KCNH8: variants seen among roughly 807,000 people sequenced by gnomAD.
The protein encoded by KCNH8 is potassium voltage-gated channel subfamily H member 8.
In KCNH8, 70 loss-of-function variants were observed where a neutral mutation model predicts 103.6. The ratio of observed to expected loss-of-function variants is 0.68; its 90% CI spans 0.56 to 0.82. The LOEUF (loss-of-function observed/expected upper bound fraction) is 0.82, where lower values mean the gene tolerates loss of function less well. KCNH8 is among the 40% of genes least tolerant of loss of function. The probability of loss-of-function intolerance (pLI) is 0.00; values close to 1 mark genes in which losing one functional copy is unlikely to be tolerated. For missense variants in KCNH8, 1,217 were observed against 1,329.9 expected (o/e 0.92, Z 1.32); for synonymous variants, 498 against 489.4 (o/e 1.02, Z -0.23).
intron 3 of KCNH8, among the ~76,000 whole-genome samples, chr3:19,299,757 A>G (rs762792529): frequency 5.3e-5 from 8 of 152,072 alleles, no homozygotes; most frequent in Non-Finnish European, 1.0e-4. Context: ...AGTCATAAAT[A>G]TTGCTGGTGG....
chr3:19,296,221 T>C (rs2064995337), intron 3 of KCNH8, among the ~76,000 whole-genome samples: 1 of 152,226 alleles, frequency 6.6e-6, no homozygotes, highest in African/African-American at 2.4e-5. Context: ...AAATTTTATT[T>C]GATCTACTTC....
intron 3 of KCNH8, among the ~76,000 whole-genome samples, chr3:19,323,442 G>C (rs1187459317): frequency 1.3e-5 from 2 of 151,740 alleles, no homozygotes; most frequent in African/African-American, 4.8e-5. Flanking sequence ...GAGCAAGACT[G>C]TGTCTCAAAA....
At chr3:19,490,426 AG>A in intron 11 of KCNH8, among the ~76,000 whole-genome samples, 1 of 152,212 alleles carries the variant, frequency 6.6e-6, no homozygotes, top group Non-Finnish European at 1.5e-5. Context: ...TTGAGCAAGC[AG>A]GGAGTATGTG....
chr3:19,167,342 A>G (rs2063295743), intron 1 of KCNH8, among the ~76,000 whole-genome samples: 1 of 152,242 alleles, frequency 6.6e-6, no homozygotes, highest in Admixed American at 6.5e-5. Context: ...TAGATGTGTC[A>G]TAGTTTATTC....
chr3:19,485,082 T>C (rs1479251404), intron 11 of KCNH8, among the ~76,000 whole-genome samples: 1 of 152,204 alleles, frequency 6.6e-6, no homozygotes, highest in Admixed American at 6.5e-5. Context: ...CTGAGGTCGG[T>C]AGGCGGCATG....
At chr3:19,354,120 C>G (rs983048474) in intron 5 of KCNH8, among the ~76,000 whole-genome samples, 1 of 152,148 alleles carries the variant, frequency 6.6e-6, no homozygotes, top group Non-Finnish European at 1.5e-5. Context: ...TGAGTGAACT[C>G]CCATTCACAA....
chr3:19,273,188 T>C (rs925545341), intron 2 of KCNH8, among the ~76,000 whole-genome samples: 3 of 152,210 alleles, frequency 2.0e-5, no homozygotes, highest in Non-Finnish European at 4.4e-5. Context: ...TTCCTCCAAC[T>C]AAAGCCTTGT....
At chr3:19,414,068 C>T (rs1319945545) in intron 7 of KCNH8, among the ~76,000 whole-genome samples, 1 of 152,094 alleles carries the variant, frequency 6.6e-6, no homozygotes, top group Non-Finnish European at 1.5e-5. Context: ...ACCCCATACT[C>T]ACACTCTGCC....
Position 19,334,652 on chromosome 3 carries a change from T to G in KCNH8, c.443-7935T>G, listed in dbSNP as rs376074694. Among the ~76,000 whole-genome samples the G allele has an allele frequency of 2.6e-5, 4 of 151,640 alleles. No individual in the cohort carries two copies. The East Asian group carries it at 7.7e-4, about 29-fold the overall frequency. On this transcript the variant is annotated intron_variant, in intron 3 of 15. Coordinates refer to ENST00000328405, the MANE Select transcript of KCNH8 (RefSeq NM_144633.3). ...TTAAATCCTCTTTATATCTAGGATC[T>G]ATAATTATTCCTGTGTTAATTATGT...
intron 11 of KCNH8, among the ~76,000 whole-genome samples, chr3:19,495,478 T>C (rs2068419798): frequency 6.6e-6 from 1 of 152,184 alleles, no homozygotes; most frequent in Non-Finnish European, 1.5e-5. Flanking sequence ...TCCCCATTGC[T>C]GGTTTTTGTT....
intron 5 of KCNH8, among the ~76,000 whole-genome samples, chr3:19,382,097 C>T (rs2066296194): frequency 6.6e-6 from 1 of 152,056 alleles, no homozygotes; most frequent in Non-Finnish European, 1.5e-5. Context: ...ATATGCTATT[C>T]TTGAAATGCA....
At position 19,533,942 on chromosome 3, in the gene KCNH8, G is replaced by T; in HGVS notation, c.3167G>T (p.Ser1056Ile). 5 of 1,614,182 alleles carry T rather than the reference G, an allele frequency of 3.1e-6. No homozygotes were observed. The highest frequency in any genetic ancestry group is 4.2e-6 in the Non-Finnish European group (5 of 1,180,022). Reference sequence around the variant, plus strand: ...AGCAGATCAGAGGAGGGCAGCTTCAGTCAGGGAACTGTGAGTTCCTTCAGT... The same window carrying T: ...AGCAGATCAGAGGAGGGCAGCTTCATTCAGGGAACTGTGAGTTCCTTCAGT... ...LPSRSEEGSF[S>I]QGTVSSFSLE... The change falls in exon 16 of 16, where the codon AGT becomes ATT. Residue 1056 changes from serine (S) to isoleucine (I), a missense_variant. By Grantham distance (142) the Ser-to-Ile change is moderately radical. This residue lies in a region of KCNH8 where 558 missense variants were observed against 495.8 expected (regional missense o/e 1.13). Transcript: ENST00000328405.
At chr3:19,377,785 A>G (rs1027546651) in intron 5 of KCNH8, among the ~76,000 whole-genome samples, 2 of 152,202 alleles carry the variant, frequency 1.3e-5, no homozygotes, top group Admixed American at 6.5e-5. Flanking sequence ...AAAAGGTCAC[A>G]TTTTGATTGG....
chr3:19,286,055 T>TCATAAGAA (rs1409970434), intron 3 of KCNH8, among the ~76,000 whole-genome samples: 2 of 152,164 alleles, frequency 1.3e-5, no homozygotes, highest in Non-Finnish European at 2.9e-5. Context: ...TGACCTTTGT[T>TCATAAGAA]CATAAGAAAA....
chr3:19,214,270 A>G (rs1010619412), intron 1 of KCNH8, among the ~76,000 whole-genome samples: 2 of 152,202 alleles, frequency 1.3e-5, no homozygotes, highest in African/African-American at 2.4e-5. Flanking sequence ...AATTCTCTAT[A>G]TTAAATGTTG....
chr3:19,366,144 AT>A (rs1287546788), intron 5 of KCNH8, among the ~76,000 whole-genome samples: 1 of 152,098 alleles, frequency 6.6e-6, no homozygotes, highest in East Asian at 1.9e-4. Flanking sequence ...ACTGTGAAAT[AT>A]TATAGGTTGT....
intron 3 of KCNH8, among the ~76,000 whole-genome samples, chr3:19,297,248 C>T (rs2065008302): frequency 6.6e-6 from 1 of 152,060 alleles, no homozygotes; most frequent in South Asian, 2.1e-4. Flanking sequence ...GCTGAGAATC[C>T]CGATTTGATT....
intron 11 of KCNH8, among the ~76,000 whole-genome samples, chr3:19,498,335 G>A (rs1191522710): frequency 6.6e-6 from 1 of 152,160 alleles, no homozygotes; most frequent in African/African-American, 2.4e-5. Context: ...AGTGTCACTG[G>A]TCTGTGTACT....
chr3:19,283,963 A>G (rs1326459749), intron 3 of KCNH8, among the ~76,000 whole-genome samples: 2 of 150,918 alleles, frequency 1.3e-5, no homozygotes, highest in Admixed American at 1.3e-4. Flanking sequence ...AGAAATAAAG[A>G]AAAAGAAAAA....
Sources: allele counts gnomAD v4.1 joint callset (sites outside exome capture counted in the v4.1 genomes callset), GRCh38; gene constraint gnomAD v4.1.1; regional missense constraint gnomAD v4.1.1; transcripts MANE v1.5; gene names NCBI Gene and HGNC (gene_info 2026-07-23, HGNC 2026-07-21).